SULT6B1: variants seen among roughly 807,000 people sequenced by gnomAD.
The protein encoded by SULT6B1 is sulfotransferase family 6B member 1.
SULT6B1 carries 44 observed loss-of-function variants against 37.2 expected under a neutral mutation model. That is an observed-to-expected ratio of 1.18 (90% CI 0.93 to 1.52). The LOEUF is 1.52. Ranked by LOEUF, SULT6B1 falls within the 40% of genes most tolerant of loss-of-function variation. The pLI is 0.00. For synonymous variants in SULT6B1, 140 were observed against 126.0 expected, an observed-to-expected ratio of 1.11 and a Z score of -0.74; for missense variants, 450 against 361.0, an observed-to-expected ratio of 1.25 and a Z score of -2.00.
chr2:37,191,481 T>C (rs1370199491), upstream of SULT6B1, among the ~76,000 whole-genome samples: 2 of 152,226 alleles, frequency 1.3e-5, no homozygotes, highest in South Asian at 2.1e-4. Context: ...CTGCTTTCCA[T>C]TGTGTGGGTT....
chr2:37,185,653 G>C (rs1435820832), intron 2 of SULT6B1, among the ~76,000 whole-genome samples: 1 of 149,866 alleles, frequency 6.7e-6, no homozygotes, highest in African/African-American at 2.5e-5. Context: ...AGGAGGTGAA[G>C]GGTGCAGTGA....
At position 37,195,436 on chromosome 2, in the gene SULT6B1, G is replaced by A. The variant is rs72875706; in HGVS notation, c.-22+1080C>T. Among the ~76,000 whole-genome samples, 775 of 152,314 alleles carry A rather than the reference G, an allele frequency of 5.1e-3. 7 individuals carry two copies. The highest frequency in any genetic ancestry group is 0.018 in the African/African-American group (734 of 41,562). The stretch of plus-strand genomic sequence containing the variant: ...GAACCACATGGGCTGGACTAGGGGT[G>A]GGGCGGGTGTTAGGAAAATTGGGGC... On this transcript the variant is annotated intron_variant, in intron 1 of 7. Transcript: ENST00000407963.
At chr2:37,170,351 C>T (rs1676265599) in intron 6 of SULT6B1, among the ~76,000 whole-genome samples, 1 of 152,086 alleles carries the variant, frequency 6.6e-6, no homozygotes, top group African/African-American at 2.4e-5. Context: ...CCTGTAATCC[C>T]AGCTACTCAG....
upstream of SULT6B1, among the ~76,000 whole-genome samples, chr2:37,193,207 G>C (rs1230518728): frequency 6.6e-6 from 1 of 151,404 alleles, no homozygotes. Flanking sequence ...TATAATACCA[G>C]CACTTTGGGA....
chr2:37,177,885 C>G (rs1170286617), intron 4 of SULT6B1, among the ~76,000 whole-genome samples: 3 of 152,146 alleles, frequency 2.0e-5, no homozygotes, highest in Non-Finnish European at 4.4e-5. Context: ...TTAGAGTGAA[C>G]TGACAACAGC....
At chr2:37,193,573 AAAGAAGAAAAAGAAG>A (rs1311711716), upstream of SULT6B1, among the ~76,000 whole-genome samples, 35 of 129,778 alleles carry the variant, frequency 2.7e-4, no homozygotes, top group African/African-American at 3.6e-4. Flanking sequence ...ACCAAAAAAA[AAAGAAGAAAAAGAAG>A]AAGAAGAAAA....
At chr2:37,171,387 A>G (rs755376987) in intron 6 of SULT6B1, 47 bp downstream of exon 6, 31 of 1,579,284 alleles carry the variant, frequency 2.0e-5, no homozygotes, top group Admixed American at 5.6e-5. Flanking sequence ...TTGTGTGCAA[A>G]GTCAGTCCCT....
intron 2 of SULT6B1, among the ~76,000 whole-genome samples, chr2:37,186,710 A>G (rs1037372716): frequency 6.6e-6 from 1 of 151,826 alleles, no homozygotes; most frequent in Non-Finnish European, 1.5e-5. Flanking sequence ...TGAGCAACGA[A>G]ATGAAACCCT....
intron 3 of SULT6B1, among the ~76,000 whole-genome samples, chr2:37,182,087 C>G (rs1001025749): frequency 2.6e-5 from 4 of 152,082 alleles, no homozygotes; most frequent in Non-Finnish European, 5.9e-5. Flanking sequence ...TTCTAAACCT[C>G]CACTTCCCTA....
At chr2:37,168,694 G>T (rs1054020666) in intron 6 of SULT6B1, among the ~76,000 whole-genome samples, 11 of 152,090 alleles carry the variant, frequency 7.2e-5, no homozygotes, top group Admixed American at 5.9e-4. Flanking sequence ...AATACCCTTT[G>T]AAAGTTAACA....
intron 4 of SULT6B1, among the ~76,000 whole-genome samples, chr2:37,178,037 G>A (rs752021936): frequency 2.0e-5 from 3 of 151,966 alleles, no homozygotes; most frequent in Non-Finnish European, 4.4e-5. Context: ...ACAAGCAATG[G>A]CAAGTGATTT....
At chr2:37,179,307 ACTAATGGTG>A in intron 4 of SULT6B1, 142 bp downstream of exon 4, 1 of 973,790 alleles carries the variant, frequency 1.0e-6, no homozygotes, top group Non-Finnish European at 1.5e-6. Flanking sequence ...GATGCACAGA[ACTAATGGTG>A]CTATGACCGT....
chr2:37,195,864 C>T (rs568745103), intron 1 of SULT6B1, among the ~76,000 whole-genome samples: 14 of 152,068 alleles, frequency 9.2e-5, no homozygotes, highest in South Asian at 8.3e-4. Context: ...CTCTGTCGCC[C>T]AGGCTGGAGT....
Position 37,171,600 on chromosome 2 carries a change from A to G in SULT6B1, c.625-10T>C, listed in dbSNP as rs368644010. On this transcript the variant is annotated splice_polypyrimidine_tract_variant and intron_variant, in intron 5 of 6. Transcript: ENST00000535679. ...TTCCAGCAGCCAGATTCTGTAAAAA[A>G]ATTTTCTTAAAGATAAATTTCTTCC... 6.2e-7 allele frequency: 1 copy of G among 1,608,538 alleles called. No individual in the cohort carries two copies. Among genetic ancestry groups the G allele is most frequent in the Non-Finnish European group, 8.5e-7 (1 of 1,177,988 alleles).
At chr2:37,172,213 G>C (rs925355817) in intron 5 of SULT6B1, among the ~76,000 whole-genome samples, 6 of 152,038 alleles carry the variant, frequency 3.9e-5, no homozygotes, top group Non-Finnish European at 8.8e-5. Flanking sequence ...ACCACATCTG[G>C]CTAATTCTTG....
Position 37,188,567 on chromosome 2 carries a change from TGA to T in SULT6B1, c.72_73del (p.His25PhefsTer31). On this transcript the variant is annotated frameshift_variant, in exon 1 of 7. Transcript: ENST00000535679. LOFTEE classifies it high-confidence loss of function. Reference sequence around the variant, plus strand: ...AATCCCCTGATAGGTGAAAAATAAATGAGAGAGTGCAGTTTCTTTTGATTTTT... The same window carrying T: ...AATCCCCTGATAGGTGAAAAATAAATGAGAGTGCAGTTTCTTTTGATTTTT... 1 of 1,592,394 alleles carries T rather than the reference TGA, an allele frequency of 6.3e-7. No homozygotes were observed. The highest frequency in any genetic ancestry group is 2.2e-5 in the East Asian group (1 of 44,788).
intron 6 of SULT6B1, 44 bp downstream of exon 6, chr2:37,171,390 C>T (rs781579574): frequency 6.3e-7 from 1 of 1,580,840 alleles, no homozygotes; most frequent in Non-Finnish European, 8.6e-7. Flanking sequence ...TGTGCAAAGT[C>T]AGTCCCTAAC....
chr2:37,191,178 G>A (rs1228904816), upstream of SULT6B1: 1 of 147,500 alleles, frequency 6.8e-6, no homozygotes, highest in Admixed American at 7.0e-5. Flanking sequence ...AGAGGGCATA[G>A]GTTTAATTGT....
chr2:37,174,905 C>T (rs1676380379), intron 5 of SULT6B1, among the ~76,000 whole-genome samples: 1 of 152,120 alleles, frequency 6.6e-6, no homozygotes, highest in African/African-American at 2.4e-5. Flanking sequence ...GAAAATAAAG[C>T]AGTCACTTTT....
Sources: allele counts gnomAD v4.1 joint callset (sites outside exome capture counted in the v4.1 genomes callset), GRCh38; gene constraint gnomAD v4.1.1; transcripts MANE v1.5; gene names NCBI Gene and HGNC (gene_info 2026-07-23, HGNC 2026-07-21).